GPATCH2: variants seen among roughly 807,000 people sequenced by gnomAD.
The protein encoded by GPATCH2 is G-patch domain containing 2, also known as G patch domain-containing protein 2.
GPATCH2 carries 51 observed loss-of-function variants against 58.0 expected under a neutral mutation model. The ratio of observed to expected loss-of-function variants is 0.88; its 90% CI spans 0.70 to 1.11. The LOEUF (loss-of-function observed/expected upper bound fraction) is 1.11. Among genes scored for constraint, GPATCH2 ranks in the 50% most tolerant of loss-of-function variants. GPATCH2 has a pLI of 0.00. For missense variants in GPATCH2, 625 were observed against 652.2 expected, an observed-to-expected ratio of 0.96 and a Z score of 0.45; for synonymous variants, 222 against 218.5, an observed-to-expected ratio of 1.02 and a Z score of -0.14.
At chr1:217,575,369 T>G (rs2102728743) in intron 5 of GPATCH2, among the ~76,000 whole-genome samples, 1 of 152,280 alleles carries the variant, frequency 6.6e-6, no homozygotes, top group South Asian at 2.1e-4. Context: ...AACCATTACC[T>G]TAAAAAGCAA....
chr1:217,623,043 T>C (rs191027802), intron 1 of GPATCH2, among the ~76,000 whole-genome samples: 6 of 152,338 alleles, frequency 3.9e-5, no homozygotes, highest in Admixed American at 3.9e-4. Flanking sequence ...TGACATTATT[T>C]AATTAAAAGA....
chr1:217,608,813 AC>A, intron 5 of GPATCH2: 1 of 984,968 alleles, frequency 1.0e-6, no homozygotes, highest in Non-Finnish European at 1.2e-6. Flanking sequence ...ACAATTACCA[AC>A]ACCACACTAT....
intron 9 of GPATCH2, among the ~76,000 whole-genome samples, chr1:217,442,988 T>G (rs1659216481): frequency 6.6e-6 from 1 of 152,224 alleles, no homozygotes; most frequent in South Asian, 2.1e-4. Context: ...TCCTTTTAAG[T>G]GATGACCTTT....
At chr1:217,446,977 C>T (rs1277726623) in intron 9 of GPATCH2, among the ~76,000 whole-genome samples, 8 of 152,262 alleles carry the variant, frequency 5.3e-5, no homozygotes, top group African/African-American at 1.9e-4. Context: ...CTTATTGCTG[C>T]CACTAAGGTG....
At chr1:217,608,751 G>GA (rs764546854) in intron 5 of GPATCH2, 101 of 980,036 alleles carry the variant, frequency 1.0e-4, no homozygotes, top group South Asian at 4.7e-4. Flanking sequence ...ATGTAATTCA[G>GA]AAAAAAAACA....
intron 8 of GPATCH2, among the ~76,000 whole-genome samples, chr1:217,490,568 T>C (rs1661674242): frequency 6.6e-6 from 1 of 152,210 alleles, no homozygotes; most frequent in Non-Finnish European, 1.5e-5. Flanking sequence ...TTTTATACTA[T>C]ATTCTGGCTC....
At chr1:217,580,058 C>A (rs1666991327) in intron 5 of GPATCH2, among the ~76,000 whole-genome samples, 1 of 152,144 alleles carries the variant, frequency 6.6e-6, no homozygotes, top group Non-Finnish European at 1.5e-5. Context: ...TTTATTGTTA[C>A]ATACACACAT....
At chr1:217,436,494 T>C (rs992448686) in intron 9 of GPATCH2, among the ~76,000 whole-genome samples, 5 of 152,198 alleles carry the variant, frequency 3.3e-5, no homozygotes, top group Non-Finnish European at 7.4e-5. Flanking sequence ...CTGATTCCCC[T>C]GATTCCCTAT....
intron 5 of GPATCH2, among the ~76,000 whole-genome samples, chr1:217,573,690 A>C: frequency 6.6e-6 from 1 of 152,212 alleles, no homozygotes; most frequent in East Asian, 1.9e-4. Context: ...GTCAGATATT[A>C]AGAAAAGGAG....
intron 5 of GPATCH2, among the ~76,000 whole-genome samples, chr1:217,546,649 C>A (rs1302541483): frequency 6.6e-6 from 1 of 152,168 alleles, no homozygotes; most frequent in Non-Finnish European, 1.5e-5. Context: ...CATAAAAACT[C>A]TGGAAGACAA....
intron 6 of GPATCH2, 49 bp from the exon 7 acceptor site, chr1:217,498,444 G>A (rs759099913): frequency 2.0e-5 from 28 of 1,402,996 alleles, no homozygotes; most frequent in South Asian, 2.3e-5. Flanking sequence ...CTAAAAGCAC[G>A]TGCTCTCACA....
At chr1:217,509,726 A>G (rs1662744274) in intron 6 of GPATCH2, among the ~76,000 whole-genome samples, 1 of 152,226 alleles carries the variant, frequency 6.6e-6, no homozygotes. Context: ...CCGAGAGCCT[A>G]TGATTTGAGT....
At chr1:217,533,751 A>G (rs1664320298) in intron 5 of GPATCH2, among the ~76,000 whole-genome samples, 1 of 152,240 alleles carries the variant, frequency 6.6e-6, no homozygotes, top group South Asian at 2.1e-4. Flanking sequence ...GTTCTGAATC[A>G]TGTATAACAG....
At chr1:217,433,376 ATATATATATTTATT>A (rs1434987143) in intron 9 of GPATCH2, among the ~76,000 whole-genome samples, 7 of 61,182 alleles carry the variant, frequency 1.1e-4, no homozygotes, top group African/African-American at 5.9e-4. Context: ...ATATATATAT[ATATATATATTTATT>A]TATTTATTTA....
intron 5 of GPATCH2, among the ~76,000 whole-genome samples, chr1:217,584,342 AAAATATATATATAT>A (rs1667224618): frequency 1.2e-5 from 1 of 82,576 alleles, no homozygotes. Flanking sequence ...AAAAAAAAAA[AAAATATATATATAT>A]ATATATATAC....
At chr1:217,527,322 C>G (rs1663958369) in intron 5 of GPATCH2, among the ~76,000 whole-genome samples, 1 of 152,138 alleles carries the variant, frequency 6.6e-6, no homozygotes, top group South Asian at 2.1e-4. Flanking sequence ...CCAGAGATAA[C>G]TCACTTCCTG....
At chr1:217,461,073 GACT>G (rs1660178893) in intron 8 of GPATCH2, among the ~76,000 whole-genome samples, 1 of 152,102 alleles carries the variant, frequency 6.6e-6, no homozygotes, top group South Asian at 2.1e-4. Context: ...TTCTGAGTAG[GACT>G]ACTAAAGAGC....
At chr1:217,533,463 G>A (rs1365154296) in intron 5 of GPATCH2, among the ~76,000 whole-genome samples, 1 of 152,062 alleles carries the variant, frequency 6.6e-6, no homozygotes, top group Non-Finnish European at 1.5e-5. Flanking sequence ...TTTGCCCTTG[G>A]GGACCCACTG....
intron 5 of GPATCH2, among the ~76,000 whole-genome samples, chr1:217,550,467 A>G (rs1665293014): frequency 6.6e-6 from 1 of 152,088 alleles, no homozygotes; most frequent in East Asian, 1.9e-4. Flanking sequence ...AAACATATGA[A>G]AAAAAATCTA....
Sources: gnomAD v4.1 joint callset for allele counts (sites outside exome capture counted in the v4.1 genomes callset) on GRCh38, gnomAD v4.1.1 for gene constraint, MANE v1.5 for transcripts, NCBI Gene and HGNC (gene_info 2026-07-23, HGNC 2026-07-21) for gene names.